EPHB1: variants seen among roughly 807,000 people sequenced by gnomAD.
EPHB1 encodes EPH receptor B1.
Under a neutral mutation model 94.4 loss-of-function variants are expected in EPHB1, and 30 were observed. The ratio of observed to expected loss-of-function variants is 0.32; its 90% confidence interval spans 0.24 to 0.43. EPHB1 has a LOEUF of 0.43. Ranked by LOEUF, EPHB1 falls within the 20% of genes least tolerant of loss-of-function variation. The pLI, the probability that EPHB1 is intolerant of heterozygous loss-of-function variation, is 1.00. For missense variants in EPHB1, 1,055 were observed against 1,308.3 expected, an observed-to-expected ratio of 0.81 and a Z score of 2.99; for synonymous variants, 522 against 489.1, an observed-to-expected ratio of 1.07 and a Z score of -0.89.
chr3:135,221,539 G>T (rs1943279875), intron 12 of EPHB1, among the ~76,000 whole-genome samples: 1 of 152,134 alleles, frequency 6.6e-6, no homozygotes. Context: ...AGTCCCAGGA[G>T]CTCTAATGAC....
chr3:135,142,745 G>A (rs923222622), intron 5 of EPHB1, among the ~76,000 whole-genome samples: 2 of 152,134 alleles, frequency 1.3e-5, no homozygotes, highest in Admixed American at 6.5e-5. Flanking sequence ...CCAGGGAACC[G>A]AGATTATATT....
chr3:135,227,893 C>G (rs1943438083), intron 12 of EPHB1, among the ~76,000 whole-genome samples: 1 of 152,126 alleles, frequency 6.6e-6, no homozygotes. Context: ...CTTTCTCTCT[C>G]TGTAAAATAT....
chr3:134,992,394 G>A (rs1934838867), intron 3 of EPHB1, among the ~76,000 whole-genome samples: 1 of 152,188 alleles, frequency 6.6e-6, no homozygotes, highest in Non-Finnish European at 1.5e-5. Context: ...AAGGACACAT[G>A]CTGGTCCCAG....
chr3:135,076,820 C>G (rs1010105875), intron 3 of EPHB1, among the ~76,000 whole-genome samples: 2 of 152,134 alleles, frequency 1.3e-5, no homozygotes, highest in African/African-American at 4.8e-5. Flanking sequence ...AAACATTGTG[C>G]TAAGTTATTG....
intron 3 of EPHB1, among the ~76,000 whole-genome samples, chr3:135,042,113 G>A (rs536655741): frequency 3.3e-5 from 5 of 152,228 alleles, no homozygotes; most frequent in African/African-American, 1.2e-4. Context: ...ATATCTTTTT[G>A]TAGAGATGAA....
At chr3:134,985,304 G>A (rs767012053) in intron 3 of EPHB1, among the ~76,000 whole-genome samples, 2 of 152,078 alleles carry the variant, frequency 1.3e-5, no homozygotes, top group Non-Finnish European at 2.9e-5. Context: ...GACTACAGGT[G>A]CGCACCACCA....
chr3:135,172,581 G>T lies in EPHB1; in HGVS notation c.1759+5575G>T, dbSNP rs115290652. Among the ~76,000 whole-genome samples the T allele has an allele frequency of 9.7e-3, 1,479 of 152,338 alleles. 17 individuals are homozygous for T. Among genetic ancestry groups the T allele is most frequent in the African/African-American group, 0.034 (1,422 of 41,576 alleles). ...TGGGTGGTGTCTGTATTTCAGAACT[G>T]CAAGGGACACAGCATCCAGCCCAGA... is the stretch of plus-strand genomic sequence containing the variant. On this transcript the variant is annotated intron_variant, in intron 9 of 15. Coordinates refer to ENST00000398015, the MANE Select transcript of EPHB1 (RefSeq NM_004441.5).
chr3:135,163,320 G>A (rs1368374747), intron 7 of EPHB1, among the ~76,000 whole-genome samples: 6 of 152,192 alleles, frequency 3.9e-5, no homozygotes, highest in African/African-American at 1.4e-4. Flanking sequence ...TTGCCTTAAA[G>A]CTGAGAGGCA....
chr3:134,971,199 G>A (rs1195739965), intron 3 of EPHB1, among the ~76,000 whole-genome samples: 1 of 152,188 alleles, frequency 6.6e-6, no homozygotes, highest in Non-Finnish European at 1.5e-5. Flanking sequence ...TGAGATGCAA[G>A]CAGCACAAAG....
intron 13 of EPHB1, among the ~76,000 whole-genome samples, chr3:135,246,995 G>C (rs1943942457): frequency 6.6e-6 from 1 of 152,020 alleles, no homozygotes; most frequent in African/African-American, 2.4e-5. Context: ...AAAAAAGAAA[G>C]AATAATCAGT....
chr3:134,877,874 C>T (rs1435562414), intron 1 of EPHB1, among the ~76,000 whole-genome samples: 1 of 152,208 alleles, frequency 6.6e-6, no homozygotes, highest in Non-Finnish European at 1.5e-5. Context: ...GATCCACTCT[C>T]TAGACCTTCA....
intron 5 of EPHB1, among the ~76,000 whole-genome samples, chr3:135,148,191 T>C (rs904013944): frequency 2.0e-5 from 3 of 152,206 alleles, no homozygotes; most frequent in Non-Finnish European, 2.9e-5. Flanking sequence ...AAATCTTGTA[T>C]TTTTGGAATC....
At chr3:135,049,592 G>C (rs1937106875) in intron 3 of EPHB1, among the ~76,000 whole-genome samples, 1 of 152,180 alleles carries the variant, frequency 6.6e-6, no homozygotes, top group Non-Finnish European at 1.5e-5. Flanking sequence ...TAAGGCCTTG[G>C]CCTAGAAACT....
At chr3:134,952,369 T>TCACACACA (rs748094985) in intron 3 of EPHB1, among the ~76,000 whole-genome samples, 5 of 121,228 alleles carry the variant, frequency 4.1e-5, no homozygotes, top group African/African-American at 1.9e-4. Flanking sequence ...TCTCTCTCTC[T>TCACACACA]CTCACACACA....
intron 2 of EPHB1, among the ~76,000 whole-genome samples, chr3:134,928,818 A>G (rs1352300190): frequency 6.7e-6 from 1 of 148,530 alleles, no homozygotes; most frequent in Non-Finnish European, 1.5e-5. Flanking sequence ...ATAGAACCTG[A>G]CCAGGAGACT....
intron 1 of EPHB1, among the ~76,000 whole-genome samples, chr3:134,881,076 G>A (rs988203761): frequency 6.6e-6 from 1 of 152,076 alleles, no homozygotes; most frequent in African/African-American, 2.4e-5. Context: ...TTCTAGTGGG[G>A]GATTTGGGGT....
chr3:135,252,091 G>T (rs1263665380), intron 15 of EPHB1, among the ~76,000 whole-genome samples: 1 of 151,814 alleles, frequency 6.6e-6, no homozygotes, highest in African/African-American at 2.4e-5. Context: ...TAATGGAATG[G>T]CACATGCAAA....
At chr3:135,199,504 T>G (rs1434399582) in intron 11 of EPHB1, among the ~76,000 whole-genome samples, 1 of 152,238 alleles carries the variant, frequency 6.6e-6, no homozygotes, top group Non-Finnish European at 1.5e-5. Context: ...CTTTTTGAGT[T>G]GCTTAGAAGA....
chr3:134,851,004 C>A (rs143987927), intron 1 of EPHB1, among the ~76,000 whole-genome samples: 18 of 152,362 alleles, frequency 1.2e-4, no homozygotes, highest in South Asian at 4.1e-4. Context: ...CCAGGAAAGG[C>A]CTTTTTCTCC....
Sources: allele counts gnomAD v4.1 joint callset (sites outside exome capture counted in the v4.1 genomes callset), GRCh38; gene constraint gnomAD v4.1.1; transcripts MANE v1.5; gene names NCBI Gene and HGNC (gene_info 2026-07-23, HGNC 2026-07-21).